The following PTCHD4 variants were observed in gnomAD, a reference collection of about 807,000 sequenced individuals.
PTCHD4 encodes patched domain-containing protein 4.
Under a neutral mutation model 58.1 loss-of-function variants are expected in PTCHD4, and 33 were observed. That is an observed-to-expected ratio of 0.57 (90% CI 0.43 to 0.76). The LOEUF (loss-of-function observed/expected upper bound fraction) is 0.76, where lower values mean the gene tolerates loss of function less well. Among genes scored for constraint, PTCHD4 ranks in the 30% least tolerant of loss-of-function variants. The pLI, the probability that PTCHD4 is intolerant of heterozygous loss-of-function variation, is 0.00. For synonymous variants in PTCHD4, 478 were observed against 409.6 expected, an observed-to-expected ratio of 1.17 and a Z score of -2.02; for missense variants, 1,058 against 1,027.1, an observed-to-expected ratio of 1.03 and a Z score of -0.41.
At chr6:47,982,677 C>A (rs1178530509) in intron 4 of PTCHD4, among the ~76,000 whole-genome samples, 1 of 151,908 alleles carries the variant, frequency 6.6e-6, no homozygotes, top group Non-Finnish European at 1.5e-5. Flanking sequence ...TCAGTAGAGA[C>A]GGGGTTTCAC....
At chr6:47,898,582 A>AT (rs1436228696) in intron 4 of PTCHD4, among the ~76,000 whole-genome samples, 1 of 152,130 alleles carries the variant, frequency 6.6e-6, no homozygotes, top group Non-Finnish European at 1.5e-5. Context: ...TACCACTCAC[A>AT]TTTTTTCAAG....
At chr6:48,007,179 G>A (rs1762467161) in intron 4 of PTCHD4, among the ~76,000 whole-genome samples, 1 of 152,152 alleles carries the variant, frequency 6.6e-6, no homozygotes, top group Non-Finnish European at 1.5e-5. Flanking sequence ...AAGAGAGGTT[G>A]CAGTGAGTTG....
intron 4 of PTCHD4, among the ~76,000 whole-genome samples, chr6:47,948,931 G>A (rs889290695): frequency 6.6e-6 from 1 of 152,070 alleles, no homozygotes; most frequent in Non-Finnish European, 1.5e-5. Context: ...AAACATTATC[G>A]AGCATATACT....
At chr6:47,983,943 AAAT>A (rs1307966516) in intron 4 of PTCHD4, among the ~76,000 whole-genome samples, 2 of 152,194 alleles carry the variant, frequency 1.3e-5, no homozygotes, top group Non-Finnish European at 1.5e-5. Flanking sequence ...ATTTAAACAA[AAAT>A]AATAACATAT....
intron 4 of PTCHD4, among the ~76,000 whole-genome samples, chr6:47,965,904 G>A (rs552140242): frequency 6.6e-6 from 1 of 152,142 alleles, no homozygotes; most frequent in East Asian, 1.9e-4. Flanking sequence ...GACACAGCGA[G>A]ACTCCATCTC....
At chr6:47,962,626 G>T (rs1767139890) in intron 4 of PTCHD4, among the ~76,000 whole-genome samples, 1 of 152,098 alleles carries the variant, frequency 6.6e-6, no homozygotes, top group Admixed American at 6.5e-5. Context: ...TGTGAAGAAG[G>T]TTTGTTGCTT....
chr6:48,023,374 T>G lies in PTCHD4; in HGVS notation c.418-14260A>C, dbSNP rs17660371. 5.6e-3 allele frequency among the ~76,000 whole-genome samples: 849 copies of G among 152,312 alleles called. 9 individuals carry two copies. The highest frequency in any genetic ancestry group is 9.9e-3 in the South Asian group (48 of 4,826). On this transcript the variant is annotated intron_variant, in intron 3 of 4. Coordinates refer to ENST00000339488, the MANE Select transcript of PTCHD4 (RefSeq NM_001384253.1). ...GACAATTGATTTACTTAGATTTTTATGCAATAGAGAAAAATATTAAGCTAG... is the reference window on the plus strand; with the variant it reads ...GACAATTGATTTACTTAGATTTTTAGGCAATAGAGAAAAATATTAAGCTAG...
rs774013104 is a variant in PTCHD4 at position 48,009,132 on chromosome 6, A to G, written c.418-18T>C. On this transcript the variant is annotated intron_variant, in intron 3 of 4. Transcript: ENST00000339488. Reference sequence around the variant, plus strand: ...CTCCCATCCTTGAAAACAGAAAAAGAAGAGACTTCAGTTACGGATGTATAT... The same window carrying G: ...CTCCCATCCTTGAAAACAGAAAAAGGAGAGACTTCAGTTACGGATGTATAT... 6.3e-7 allele frequency: 1 copy of G among 1,582,272 alleles called. No homozygotes were observed. The highest frequency in any genetic ancestry group is 1.7e-4 in the Middle Eastern group (1 of 5,882).
At chr6:47,972,888 G>A (rs1767570053) in intron 4 of PTCHD4, among the ~76,000 whole-genome samples, 2 of 151,974 alleles carry the variant, frequency 1.3e-5, no homozygotes, top group Admixed American at 6.5e-5. Context: ...TTAGAGTCTT[G>A]AAATTGAAGA....
Position 47,878,544 on chromosome 6 carries a change from A to C in PTCHD4, c.2291T>G (p.Leu764Arg), listed in dbSNP as rs771082522. Residue 764 changes from leucine to arginine, a missense_variant, in exon 5 of 5, where the codon CTT becomes CGT. Physicochemically the swap from Leu to Arg is moderately radical, Grantham distance 102. Coordinates refer to ENST00000339488, the MANE Select transcript of PTCHD4 (RefSeq NM_001384253.1). ...AAATAGAAGGGGGACTAACCCAATA[A>C]GAAAAGAAGTAACATTTTGCAAAAT... ...TAILQNVTSFLIGLVPLLFVP... is the reference protein window; with the variant it reads ...TAILQNVTSFRIGLVPLLFVP... 1 of 1,613,536 alleles carries C rather than the reference A, an allele frequency of 6.2e-7. No individual in the cohort carries two copies. The highest frequency in any genetic ancestry group is 1.1e-5 in the South Asian group (1 of 91,064).
intron 1 of PTCHD4, among the ~76,000 whole-genome samples, chr6:48,109,804 A>C (rs928567954): frequency 6.6e-6 from 1 of 152,118 alleles, no homozygotes; most frequent in East Asian, 1.9e-4. Context: ...GAAAACATAC[A>C]AGTCGCCAAA....
At chr6:47,976,878 TATC>T (rs1287883349) in intron 4 of PTCHD4, among the ~76,000 whole-genome samples, 11 of 152,218 alleles carry the variant, frequency 7.2e-5, no homozygotes, top group Middle Eastern at 6.8e-3. Flanking sequence ...ATTTTCAAGT[TATC>T]ATCAGTTATT....
intron 4 of PTCHD4, among the ~76,000 whole-genome samples, chr6:47,929,080 T>C (rs1025239114): frequency 2.0e-5 from 3 of 152,178 alleles, no homozygotes; most frequent in Non-Finnish European, 4.4e-5. Context: ...AAATCATACA[T>C]TGGTATCTAA....
intron 4 of PTCHD4, among the ~76,000 whole-genome samples, chr6:47,915,227 A>G (rs1340399972): frequency 6.6e-6 from 1 of 150,500 alleles, no homozygotes; most frequent in Non-Finnish European, 1.5e-5. Flanking sequence ...AGCTGATGTT[A>G]AATCTTAAAG....
At chr6:47,992,266 T>C (rs1169746573) in intron 4 of PTCHD4, among the ~76,000 whole-genome samples, 3 of 152,186 alleles carry the variant, frequency 2.0e-5, no homozygotes, top group African/African-American at 7.2e-5. Context: ...GATATAATTG[T>C]GTATATATAT....
intron 4 of PTCHD4, among the ~76,000 whole-genome samples, chr6:47,995,584 A>G (rs1768456304): frequency 6.6e-6 from 1 of 152,162 alleles, no homozygotes; most frequent in African/African-American, 2.4e-5. Context: ...TTGCCACTGT[A>G]CCTTTATAAA....
At chr6:48,065,027 T>C (rs1462087644) in intron 3 of PTCHD4, among the ~76,000 whole-genome samples, 4 of 152,158 alleles carry the variant, frequency 2.6e-5, no homozygotes, top group Non-Finnish European at 5.9e-5. Context: ...GGAAGGCACC[T>C]TTCTGTGTCC....
chr6:48,109,933 G>C (rs1765829049), intron 1 of PTCHD4, among the ~76,000 whole-genome samples: 1 of 151,978 alleles, frequency 6.6e-6, no homozygotes, highest in Non-Finnish European at 1.5e-5. Flanking sequence ...AACTTAAAAA[G>C]AGAGAAAAAA....
intron 4 of PTCHD4, among the ~76,000 whole-genome samples, chr6:47,995,783 C>G (rs1768463573): frequency 6.6e-6 from 1 of 152,122 alleles, no homozygotes; most frequent in Non-Finnish European, 1.5e-5. Context: ...AAGTAAAAAT[C>G]ATACCTCCAG....
Sources: gnomAD v4.1 joint callset for allele counts (sites outside exome capture counted in the v4.1 genomes callset) on GRCh38, gnomAD v4.1.1 for gene constraint, MANE v1.5 for transcripts, NCBI Gene and HGNC (gene_info 2026-07-23, HGNC 2026-07-21) for gene names.